DDX60: variants seen among roughly 807,000 people sequenced by gnomAD.
The protein encoded by DDX60 is DExD/H-box helicase 60, also known as probable ATP-dependent RNA helicase DDX60.
DDX60 carries 165 observed loss-of-function variants against 212.8 expected under a neutral mutation model. The ratio of observed to expected loss-of-function variants is 0.78; its 90% CI spans 0.68 to 0.88. The LOEUF (loss-of-function observed/expected upper bound fraction) is 0.88, where lower values mean the gene tolerates loss of function less well. Ranked by LOEUF, DDX60 falls within the 40% of genes least tolerant of loss-of-function variation. The pLI is 0.00. For missense variants in DDX60, 1,905 were observed against 2,003.9 expected, an observed-to-expected ratio of 0.95 and a Z score of 0.94; for synonymous variants, 703 against 685.3, an observed-to-expected ratio of 1.03 and a Z score of -0.40.
rs150794038 is a variant in DDX60, at chr4:168,283,446, G to A, written c.1722C>T (p.His574=). 69 of 1,612,714 alleles carry A rather than the reference G, an allele frequency of 4.3e-5. 1 individual carries two copies. In the South Asian group the frequency reaches 4.5e-4, roughly 11 times the overall value. ...DFSGPKSKKA[H]ETKAEIIARE... ...ATTGGATAGAATTTATAGAACCTAC[G>A]TGTGCCTTTTTGCTCTTGGGCCCAC... Residue 574 remains histidine (H), a splice_region_variant and synonymous_variant, in exon 13 of 38, where the codon CAC becomes CAT. Transcript: ENST00000393743.
chr4:168,237,174 A>G (rs1469124778), intron 32 of DDX60, 112 bp downstream of exon 32: 8 of 685,406 alleles, frequency 1.2e-5, no homozygotes, highest in Admixed American at 4.2e-5. Flanking sequence ...AATTATCTAC[A>G]TATTAATTGT....
intron 8 of DDX60, 47 bp from the exon 9 acceptor site, chr4:168,288,362 C>T: frequency 7.6e-7 from 1 of 1,318,840 alleles, no homozygotes; most frequent in Non-Finnish European, 1.1e-6. Context: ...TTCATATTAG[C>T]AATAAACTAT....
intron 30 of DDX60, among the ~76,000 whole-genome samples, chr4:168,242,288 A>G (rs1399436709): frequency 6.6e-6 from 1 of 152,204 alleles, no homozygotes; most frequent in African/African-American, 2.4e-5. Flanking sequence ...GGCACTGCCT[A>G]TTGGAGCTGT....
chr4:168,261,279 G>A (rs1403409175), intron 24 of DDX60, among the ~76,000 whole-genome samples: 3 of 152,034 alleles, frequency 2.0e-5, no homozygotes, highest in Non-Finnish European at 4.4e-5. Flanking sequence ...AAATGATGCT[G>A]GTTTCACTAT....
At chr4:168,294,002 T>G (rs532685920) in intron 6 of DDX60, 57 bp from the exon 7 acceptor site, 2 of 1,516,896 alleles carry the variant, frequency 1.3e-6, no homozygotes. Context: ...TTTTTATTTG[T>G]AAGTGATCTT....
At position 168,288,432 on chromosome 4, in the gene DDX60, G is replaced by C. The variant is rs9995999; in HGVS notation, c.1042-117C>G. ...GCAGGATCATTCCAATCCTTGTTTAGGCAAGCCCATTCAGGCTGGGTAATG... is the reference window on the plus strand; with the variant it reads ...GCAGGATCATTCCAATCCTTGTTTACGCAAGCCCATTCAGGCTGGGTAATG... On this transcript the variant is annotated intron_variant, in intron 8 of 37. Coordinates refer to ENST00000393743, the MANE Select transcript of DDX60 (RefSeq NM_017631.6). 6 of 654,964 alleles carry C rather than the reference G, an allele frequency of 9.2e-6. No homozygotes were observed. The South Asian group carries it at 1.3e-4, about 14-fold the overall frequency. The allele number at this position is 654,964 out of a possible 1,614,324, so 40.6% of individuals were successfully genotyped here. A position where few individuals can be genotyped will look rare whatever the true frequency, so the allele number is the denominator to read the frequency against.
At chr4:168,254,404 G>A (rs557466398) in intron 26 of DDX60, among the ~76,000 whole-genome samples, 1 of 152,114 alleles carries the variant, frequency 6.6e-6, no homozygotes, top group African/African-American at 2.4e-5. Flanking sequence ...AATAGGTAGA[G>A]GAAATATAAG....
In DDX60 at chr4:168,284,908, A is replaced by G; in HGVS notation, c.1473T>C (p.Val491=). 4 of 1,595,436 alleles carry G rather than the reference A, an allele frequency of 2.5e-6. No individual in the cohort carries two copies. Among genetic ancestry groups the G allele is most frequent in the Non-Finnish European group, 3.4e-6 (4 of 1,168,336 alleles). The change falls in exon 12 of 38, where the codon GTT becomes GTC. Residue 491 remains valine (V), a synonymous_variant. Transcript: ENST00000393743. The stretch of plus-strand genomic sequence containing the variant: ...CAAGTTCATCAAATTCCTTTTGTTT[A>G]ACCAGTGAAGTAACAATAGGATCAT... ...KSDDPIVTSL[V]KQKEFDELVH... is the part of the protein sequence containing the mutation.
intron 11 of DDX60, 151 bp downstream of exon 11, chr4:168,285,242 G>C: frequency 3.2e-6 from 2 of 616,956 alleles, no homozygotes; most frequent in Non-Finnish European, 5.6e-6. Context: ...TGGCCAAAAG[G>C]CATTGAAAAT....
At chr4:168,236,003 A>C in intron 33 of DDX60, 1 of 376,268 alleles carries the variant, frequency 2.7e-6, no homozygotes. Context: ...ATTTGATACA[A>C]TCAAATGAAA....
intron 30 of DDX60, among the ~76,000 whole-genome samples, chr4:168,241,540 A>T (rs1733838670): frequency 6.6e-6 from 1 of 152,166 alleles, no homozygotes; most frequent in South Asian, 2.1e-4. Context: ...GACTTTCGTT[A>T]TGTTTTAGCA....
chr4:168,260,956 C>CT lies in DDX60; in HGVS notation c.3306dup (p.Ala1103SerfsTer17). The CT allele has an allele frequency of 6.2e-6, 10 of 1,613,558 alleles. No individual in the cohort carries two copies. Among genetic ancestry groups the CT allele is most frequent in the Non-Finnish European group, 8.5e-6 (10 of 1,179,744 alleles). On this transcript the variant is annotated frameshift_variant, in exon 25 of 38. Transcript: ENST00000393743. LOFTEE classifies it high-confidence loss of function. Reference sequence around the variant, plus strand: ...ATCATGTTTTCTGGACTCAAATCTGCTTCAGGACTAAGATTCTGAAGTACC... The same window carrying CT: ...ATCATGTTTTCTGGACTCAAATCTGCTTTCAGGACTAAGATTCTGAAGTACC...
At position 168,252,501 on chromosome 4, in the gene DDX60, G is replaced by A. The variant is rs367590305; in HGVS notation, c.3705+8C>T. The A allele has an allele frequency of 1.2e-6, 2 of 1,613,300 alleles. No homozygotes were observed. The highest frequency in any genetic ancestry group is 1.1e-5 in the South Asian group (1 of 90,768). On this transcript the variant is annotated splice_region_variant and intron_variant, in intron 27 of 37. Transcript: ENST00000393743. ...AGTTTGGAGAACGATCAGGTTGTAA[G>A]TGCTGACCTCAGTGTCCACTGCTTT...
chr4:168,250,684 C>A (rs1734187960), intron 28 of DDX60, among the ~76,000 whole-genome samples: 1 of 123,136 alleles, frequency 8.1e-6, no homozygotes, highest in Admixed American at 8.8e-5. Context: ...TGCCACCACG[C>A]CCGGCTAATT....
At chr4:168,236,916 A>C (rs1733649063) in intron 32 of DDX60, among the ~76,000 whole-genome samples, 1 of 151,526 alleles carries the variant, frequency 6.6e-6, no homozygotes, top group African/African-American at 2.4e-5. Flanking sequence ...AATTATGAGT[A>C]ATTTTTTATT....
chr4:168,295,328 T>C (rs1000689091), intron 6 of DDX60, among the ~76,000 whole-genome samples: 3 of 152,334 alleles, frequency 2.0e-5, no homozygotes, highest in East Asian at 1.9e-4. Context: ...TCTGGATGAA[T>C]TGCAATGTAA....
At chr4:168,244,339 G>C (rs1394442349) in intron 30 of DDX60, among the ~76,000 whole-genome samples, 1 of 108,402 alleles carries the variant, frequency 9.2e-6, no homozygotes, top group Admixed American at 9.8e-5. Context: ...TTGAGACAAG[G>C]CACTGGCACT....
chr4:168,305,010 T>C (rs1736815378), intron 5 of DDX60, among the ~76,000 whole-genome samples: 1 of 152,172 alleles, frequency 6.6e-6, no homozygotes, highest in Non-Finnish European at 1.5e-5. Flanking sequence ...CCTATACAAG[T>C]GTATCATTTT....
At chr4:168,219,414 C>T (rs1732970174) in intron 37 of DDX60, among the ~76,000 whole-genome samples, 1 of 152,128 alleles carries the variant, frequency 6.6e-6, no homozygotes, top group South Asian at 2.1e-4. Flanking sequence ...GATTTCCTTG[C>T]CCAAGTTTTT....
Sources: allele counts gnomAD v4.1 joint callset (sites outside exome capture counted in the v4.1 genomes callset), GRCh38; gene constraint gnomAD v4.1.1; transcripts MANE v1.5; gene names NCBI Gene and HGNC (gene_info 2026-07-23, HGNC 2026-07-21).